RPGR: variants seen among roughly 807,000 people sequenced by gnomAD.
RPGR encodes X-linked retinitis pigmentosa GTPase regulator.
A neutral mutation model predicts 56.3 loss-of-function variants in RPGR; 10 were observed. The ratio of observed to expected loss-of-function variants is 0.18; its 90% CI spans 0.11 to 0.30. The LOEUF is 0.30. Among genes scored for constraint, RPGR ranks in the 10% least tolerant of loss-of-function variants. RPGR has a pLI of 1.00. For missense variants in RPGR, 538 were observed against 590.9 expected, an observed-to-expected ratio of 0.91 and a Z score of 0.93; for synonymous variants, 197 against 212.9, an observed-to-expected ratio of 0.93 and a Z score of 0.65.
chrX:38,278,720 G>C (rs1213924079), intron 15 of RPGR, among the ~76,000 whole-genome samples: 1 of 112,273 alleles, frequency 8.9e-6, no homozygotes, highest in Non-Finnish European at 1.9e-5. Context: ...TAACTAAAAA[G>C]AACAGTGCTC....
intron 9 of RPGR, among the ~76,000 whole-genome samples, chrX:38,299,927 T>C (rs138649969): frequency 0.026 from 2,939 of 111,693 alleles, 101 homozygotes; most frequent in African/African-American, 0.09. Flanking sequence ...CGTTCATCAC[T>C]GTATACAATA....
intron 11 of RPGR, among the ~76,000 whole-genome samples, chrX:38,294,665 T>A (rs1011649458): frequency 1.8e-5 from 2 of 112,199 alleles, no homozygotes; most frequent in Admixed American, 1.9e-4. Context: ...CTCAAACGTG[T>A]TCTTAGTTTG....
chrX:38,276,506 C>G, intron 16 of RPGR: 2 of 989,559 alleles, frequency 2.0e-6, no homozygotes, highest in Non-Finnish European at 2.9e-6. Flanking sequence ...CCAAAGGCAA[C>G]TGGAATCTGT....
rs757403373 is a variant in RPGR at position 38,322,955 on chromosome X, G to A, written c.155-10C>T. 121 of 1,156,118 alleles carry A rather than the reference G, an allele frequency of 1.0e-4. No homozygotes were observed. The highest frequency in any genetic ancestry group is 1.4e-4 in the Non-Finnish European group (118 of 846,200). ...TAAAGTTTATTATTTCCTGGTAGGA[G>A]GGAAAAAGAAATAATCAATTGAAGC... On this transcript the variant is annotated splice_polypyrimidine_tract_variant and intron_variant, in intron 2 of 18. Coordinates refer to ENST00000642395, the MANE Select transcript of RPGR (RefSeq NM_000328.3).
At chrX:38,274,148 C>T (rs2066888863) in intron 17 of RPGR, among the ~76,000 whole-genome samples, 1 of 112,180 alleles carries the variant, frequency 8.9e-6, no homozygotes, top group Non-Finnish European at 1.9e-5. Context: ...CACAATCATA[C>T]TGCCGTGTGA....
At chrX:38,317,594 C>T in intron 5 of RPGR, 129 bp from the exon 6 acceptor site, 4 of 559,047 alleles carry the variant, frequency 7.2e-6, no homozygotes, top group Non-Finnish European at 1.1e-5. Context: ...TAAAGTACTA[C>T]TAAGACATTT....
rs183539805 is a variant in RPGR, at chrX:38,269,522, A to G, written c.*104T>C. 1.0e-3 allele frequency: 584 copies of G among 560,885 alleles called. 3 individuals carry two copies. The East Asian group carries it at 0.019, about 18-fold the overall frequency. 46.2% of individuals were successfully genotyped at this position (560,885 alleles called of 1,213,427 possible). A position where few individuals can be genotyped will look rare whatever the true frequency, so the allele number is the denominator to read the frequency against. ...AGCTGAATAAAACATATTAAGTCTT[A>G]TATCTTTTAAAGACTACTATCAGAA... On this transcript the variant is annotated 3_prime_UTR_variant, in exon 19 of 19. Coordinates refer to ENST00000642395, the MANE Select transcript of RPGR (RefSeq NM_000328.3).
At position 38,303,640 on chromosome X, in the gene RPGR, A is replaced by G. The variant is rs371976397; in HGVS notation, c.934+995T>C. 2.4e-4 allele frequency: 68 copies of G among 286,041 alleles called. No homozygotes were observed. The East Asian group carries it at 3.2e-3, about 13-fold the overall frequency. 23.6% of individuals were successfully genotyped at this position (286,041 alleles called of 1,213,427 possible). On this transcript the variant is annotated intron_variant, in intron 8 of 18. Coordinates refer to ENST00000642395, the MANE Select transcript of RPGR (RefSeq NM_000328.3). The stretch of plus-strand genomic sequence containing the variant: ...TACTTTTCATATTCTATATAATGCT[A>G]TTTCATGATACATTCTCAAGAACAC...
chrX:38,292,591 C>T (rs1159542354), intron 11 of RPGR, among the ~76,000 whole-genome samples: 1 of 110,795 alleles, frequency 9.0e-6, no homozygotes, highest in Non-Finnish European at 1.9e-5. Context: ...TGGTAATCTG[C>T]AGAATAGCAA....
At chrX:38,318,217 T>C (rs757833160) in intron 5 of RPGR, among the ~76,000 whole-genome samples, 27 of 111,017 alleles carry the variant, frequency 2.4e-4, no homozygotes, top group Non-Finnish European at 5.1e-4. Context: ...GTCAAAATGC[T>C]AACTTAAGGG....
intron 11 of RPGR, among the ~76,000 whole-genome samples, chrX:38,293,944 T>A (rs779521455): frequency 9.0e-6 from 1 of 111,001 alleles, no homozygotes; most frequent in African/African-American, 3.3e-5. Flanking sequence ...TGAGCCCACA[T>A]CCCCCTCTAG....
At chrX:38,320,378 A>G (rs2067914376) in intron 4 of RPGR, among the ~76,000 whole-genome samples, 1 of 111,836 alleles carries the variant, frequency 8.9e-6, no homozygotes, top group Non-Finnish European at 1.9e-5. Flanking sequence ...TGAAGATACT[A>G]TCCTTTCTCT....
At chrX:38,291,083 G>T in intron 12 of RPGR, 59 bp from the exon 13 acceptor site, 1 of 273,532 alleles carries the variant, frequency 3.7e-6, no homozygotes, top group Non-Finnish European at 5.9e-6. Context: ...CTATATATTT[G>T]TATATAGTAC....
chrX:38,270,364 C>T (rs1425502882), intron 18 of RPGR, among the ~76,000 whole-genome samples: 2 of 106,398 alleles, frequency 1.9e-5, no homozygotes, highest in Non-Finnish European at 3.9e-5. Context: ...CCTGTAATCC[C>T]AGCACTTTGG....
At chrX:38,310,061 C>T (rs772823894) in intron 7 of RPGR, among the ~76,000 whole-genome samples, 89 of 110,674 alleles carry the variant, frequency 8.0e-4, no homozygotes, top group African/African-American at 2.8e-3. Flanking sequence ...TCACCTCAAG[C>T]TCAACCTCCC....
At chrX:38,307,105 C>T (rs966065763) in intron 7 of RPGR, among the ~76,000 whole-genome samples, 1 of 112,460 alleles carries the variant, frequency 8.9e-6, no homozygotes, top group African/African-American at 3.2e-5. Flanking sequence ...TTTATCCAAA[C>T]ATAATCTGAG....
chrX:38,286,855 C>T lies in RPGR; in HGVS notation c.1905+239G>A, dbSNP rs142222599. On this transcript the variant is annotated intron_variant, in intron 15 of 18. Transcript: ENST00000642395. ...TCTTTCCTTCTGATGGCCCTGCTCC[C>T]TCTCCTTTTGCTCCTGCTCTTCCCC... The T allele has an allele frequency of 3.4e-6, 4 of 1,190,114 alleles. No individual in the cohort carries two copies. The African/African-American group carries it at 7.3e-5, about 22-fold the overall frequency.
In RPGR at chrX:38,269,233, TAA is replaced by T. The variant is rs948205128; in HGVS notation, c.*391_*392del. On this transcript the variant is annotated 3_prime_UTR_variant, in exon 19 of 19. Transcript: ENST00000642395. Reference sequence around the variant, plus strand: ...TATAAACAATTTTACCTCAGTTTTGTAAAAATTGTAAATACATCAAAAACTGT... The same window carrying T: ...TATAAACAATTTTACCTCAGTTTTGTAAATTGTAAATACATCAAAAACTGT... 3 of 119,694 alleles carry T rather than the reference TAA, an allele frequency of 2.5e-5. No homozygotes were observed. Among genetic ancestry groups the T allele is most frequent in the Non-Finnish European group, 3.4e-5 (2 of 58,253 alleles). The allele number at this position is 119,694 out of a possible 1,213,427, so 9.9% of individuals were successfully genotyped here.
At chrX:38,311,503 T>C (rs981321414) in intron 6 of RPGR, among the ~76,000 whole-genome samples, 1 of 112,205 alleles carries the variant, frequency 8.9e-6, no homozygotes, top group Non-Finnish European at 1.9e-5. Flanking sequence ...CATATCACCA[T>C]TGGTATAAGC....
Sources: gnomAD v4.1 joint callset for allele counts (sites outside exome capture counted in the v4.1 genomes callset) on GRCh38, gnomAD v4.1.1 for gene constraint, MANE v1.5 for transcripts, NCBI Gene and HGNC (gene_info 2026-07-23, HGNC 2026-07-21) for gene names.